The following GIMAP5 variants were observed in gnomAD, a reference collection of about 807,000 sequenced individuals.
GIMAP5 encodes GTPase, IMAP family member 5.
GIMAP5 carries 8 observed loss-of-function variants against 9.9 expected under a neutral mutation model. The ratio of observed to expected loss-of-function variants is 0.81; its 90% CI spans 0.47 to 1.45. GIMAP5 has a LOEUF of 1.45. Among genes scored for constraint, GIMAP5 ranks in the 40% most tolerant of loss-of-function variants. GIMAP5 has a pLI of 0.00. For missense variants in GIMAP5, 353 were observed against 367.4 expected (o/e 0.96, Z 0.32); for synonymous variants, 174 against 151.4 (o/e 1.15, Z -1.09).
chr7:150,741,140 G>C (rs989393899), intron 2 of GIMAP5, among the ~76,000 whole-genome samples: 1 of 152,110 alleles, frequency 6.6e-6, no homozygotes, highest in Non-Finnish European at 1.5e-5. Context: ...CCTGCATCAG[G>C]TATGTGGGAA....
At position 150,737,479 on chromosome 7, in the gene GIMAP5, T is replaced by C. The variant is rs951673781; in HGVS notation, c.-236T>C. ...GCAGAGGTGTGGGGGACACACTCCA[T>C]AATCTCTACTTTTCTTTTTGTGCAG... On this transcript the variant is annotated 5_prime_UTR_variant, in exon 1 of 3. Transcript: ENST00000358647. 11 of 1,524,370 alleles carry C rather than the reference T, an allele frequency of 7.2e-6. No homozygotes were observed. The highest frequency in any genetic ancestry group is 4.1e-5 in the African/African-American group (3 of 72,788). The allele number at this position is 1,524,370 out of a possible 1,614,324, so 94.4% of individuals were successfully genotyped here. A position where few individuals can be genotyped will look rare whatever the true frequency, so the allele number is the denominator to read the frequency against.
intron 2 of GIMAP5, among the ~76,000 whole-genome samples, chr7:150,741,350 T>G (rs1797591860): frequency 1.3e-5 from 2 of 152,116 alleles, no homozygotes; most frequent in African/African-American, 4.8e-5. Context: ...ATAATAGATT[T>G]TTAAGAGCCT....
intron 1 of GIMAP5, 48 bp downstream of exon 1, chr7:150,737,756 G>T: frequency 6.9e-7 from 1 of 1,452,362 alleles, no homozygotes; most frequent in South Asian, 1.2e-5. Context: ...GAATTGAAAG[G>T]ATCACAGTTT....
Position 150,743,425 on chromosome 7 carries a change from TCAG to T in GIMAP5, c.*367_*369del, listed in dbSNP as rs2116582687. The stretch of plus-strand genomic sequence containing the variant: ...GGGTCTGGGCGTGACACTGGGACTC[TCAG>T]CAGCTTTGTGCTGCCAACCTGAGAT... On this transcript the variant is annotated 3_prime_UTR_variant, in exon 3 of 3. Coordinates refer to ENST00000358647, the MANE Select transcript of GIMAP5 (RefSeq NM_018384.5). 4.8e-6 allele frequency: 1 copy of T among 208,342 alleles called. No individual in the cohort carries two copies. Among genetic ancestry groups the T allele is most frequent in the African/African-American group, 2.3e-5 (1 of 43,074 alleles). 12.9% of individuals were successfully genotyped at this position (208,342 alleles called of 1,614,324 possible). A position where few individuals can be genotyped will look rare whatever the true frequency, so the allele number is the denominator to read the frequency against.
chr7:150,737,592 G>T lies in GIMAP5; in HGVS notation c.-123G>T. On this transcript the variant is annotated 5_prime_UTR_variant, in exon 1 of 3. Coordinates refer to ENST00000358647, the MANE Select transcript of GIMAP5 (RefSeq NM_018384.5). ...CCTCAGCCCTGTGAACAGCATCCCC[G>T]CACACAGACGCAGAGCAGGACTCTC... The T allele has an allele frequency of 6.5e-7, 1 of 1,535,506 alleles. No homozygotes were observed. Among genetic ancestry groups the T allele is most frequent in the Non-Finnish European group, 8.7e-7 (1 of 1,146,826 alleles).
chr7:150,741,585 G>A (rs1275295745), intron 2 of GIMAP5, among the ~76,000 whole-genome samples: 1 of 152,094 alleles, frequency 6.6e-6, no homozygotes, highest in Non-Finnish European at 1.5e-5. Context: ...TCTCCCAGAC[G>A]CTGCCCTAAC....
chr7:150,743,237 C>A lies in GIMAP5; in HGVS notation c.*174C>A. ...GGAGCTGTGTGCCTCCACTCCAAGG[C>A]TGCCTGCCTGCTGTAAACACTATTC... On this transcript the variant is annotated 3_prime_UTR_variant, in exon 3 of 3. Transcript: ENST00000358647. 2.6e-6 allele frequency: 2 copies of A among 766,388 alleles called. No individual in the cohort carries two copies. Among genetic ancestry groups the A allele is most frequent in the Non-Finnish European group, 4.1e-6 (2 of 492,046 alleles). The allele number at this position is 766,388 out of a possible 1,614,324, so 47.5% of individuals were successfully genotyped here.
rs765372741 is a variant in GIMAP5, at chr7:150,743,023, T to C, written c.884T>C (p.Leu295Pro). 32 of 1,611,124 alleles carry C rather than the reference T, an allele frequency of 2.0e-5. No homozygotes were observed. The highest frequency in any genetic ancestry group is 2.6e-5 in the Non-Finnish European group (31 of 1,178,126). The part of the protein sequence containing the change: ...IFVFLLLCSI[L>P]FFIIFLFIFH... Reference sequence around the variant, plus strand: ...GTTTTTCTATTGTTGTGCAGCATACTTTTTTTCATTATTTTTCTGTTCATC... The same window carrying C: ...GTTTTTCTATTGTTGTGCAGCATACCTTTTTTCATTATTTTTCTGTTCATC... The change falls in exon 3 of 3, where the codon CTT (leucine) becomes CCT (proline). Residue 295 changes from leucine (L) to proline (P), a missense_variant. Physicochemically the swap from Leu to Pro is moderately conservative, Grantham distance 98. Transcript: ENST00000358647.
chr7:150,737,871 C>T, intron 1 of GIMAP5, 163 bp downstream of exon 1: 1 of 627,478 alleles, frequency 1.6e-6, no homozygotes. Flanking sequence ...CGGGCATCAG[C>T]AGGTGCACAG....
intron 2 of GIMAP5, 134 bp downstream of exon 2, chr7:150,741,061 T>C: frequency 1.2e-6 from 1 of 819,670 alleles, no homozygotes; most frequent in South Asian, 1.7e-5. Flanking sequence ...GCAACTATCA[T>C]CACGTGTGTG....
chr7:150,742,122 A>G (rs1797603836), intron 2 of GIMAP5, 61 bp from the exon 3 acceptor site: 1 of 1,550,682 alleles, frequency 6.4e-7, no homozygotes, highest in Non-Finnish European at 8.7e-7. Flanking sequence ...AACCATGAAC[A>G]ATGACCTAAC....
intron 1 of GIMAP5, chr7:150,740,330 G>C (rs1225660177): frequency 6.5e-6 from 1 of 153,738 alleles, no homozygotes; most frequent in African/African-American, 2.4e-5. Flanking sequence ...TCTCACGTCA[G>C]TTCTTCGTGT....
In GIMAP5 at chr7:150,737,696, A is replaced by ACAACC. The variant is rs1303523332; in HGVS notation, c.-18_-14dup. On this transcript the variant is annotated 5_prime_UTR_variant, in exon 1 of 3. Coordinates refer to ENST00000358647, the MANE Select transcript of GIMAP5 (RefSeq NM_018384.5). ...CTGCCACCCTGGAGGACAGGGCACAACAACCGTTTCTGGTAAGGAGAACTG... is the reference window on the plus strand; with the variant it reads ...CTGCCACCCTGGAGGACAGGGCACAACAACCCAACCGTTTCTGGTAAGGAGAACTG... The ACAACC allele has an allele frequency of 1.3e-6, 2 of 1,535,604 alleles. No individual in the cohort carries two copies. Among genetic ancestry groups the ACAACC allele is most frequent in the Admixed American group, 3.9e-5 (2 of 51,010 alleles).
Position 150,742,261 on chromosome 7 carries a change from G to A in GIMAP5, c.122G>A (p.Ser41Asn). 3 of 1,614,244 alleles carry A rather than the reference G, an allele frequency of 1.9e-6. No homozygotes were observed. The highest frequency in any genetic ancestry group is 2.5e-6 in the Non-Finnish European group (3 of 1,180,042). ...GTGGGCAAAACAGGCTGCGGGAAAA[G>A]TGCCACAGGGAACAGCATCCTTGGC... is the stretch of plus-strand genomic sequence containing the variant. ...ILVGKTGCGK[S>N]ATGNSILGQP... The change falls in exon 3 of 3, where the codon AGT becomes AAT. Residue 41 changes from serine to asparagine, a missense_variant. Coordinates refer to ENST00000358647, the MANE Select transcript of GIMAP5 (RefSeq NM_018384.5).
chr7:150,740,922 CT>C lies in GIMAP5; in HGVS notation c.39del (p.Glu14LysfsTer15). 1 of 1,614,000 alleles carries C rather than the reference CT, an allele frequency of 6.2e-7. No individual in the cohort carries two copies. The highest frequency in any genetic ancestry group is 8.5e-7 in the Non-Finnish European group (1 of 1,179,928). On this transcript the variant is annotated frameshift_variant, in exon 2 of 3. Transcript: ENST00000358647. LOFTEE classifies it high-confidence loss of function. ...CAGAGGGGCAAATATGGAACTATGG[CT>C]GAAGGTAAGAAAGTCTTGAAGTTCT... Reference protein sequence around the residue: ...GFQRGKYGTMAEGRSEDNLSA... With the variant: ...GFQRGKYGTMXEGRSEDNLSA...
Position 150,742,607 on chromosome 7 carries a change from AG to A in GIMAP5, c.473del (p.Gly158AlafsTer8). On this transcript the variant is annotated frameshift_variant, in exon 3 of 3. Coordinates refer to ENST00000358647, the MANE Select transcript of GIMAP5 (RefSeq NM_018384.5). LOFTEE classifies it low-confidence loss of function (END_TRUNC). ...TCCTCTTCACCCACAAAGAGGACTT[AG>A]GGGGCCAGGCCCTGGATGACTATGT... ...VILFTHKEDL[G>X]GQALDDYVAN... 1.2e-6 allele frequency: 2 copies of A among 1,614,202 alleles called. No homozygotes were observed.
intron 1 of GIMAP5, chr7:150,739,395 C>T (rs1469959257): frequency 2.0e-5 from 3 of 152,178 alleles, no homozygotes; most frequent in African/African-American, 7.2e-5. Context: ...ATTTTAAGAT[C>T]AGTTTTGATC....
chr7:150,737,642 G>A lies in GIMAP5; in HGVS notation c.-73G>A, dbSNP rs1797534953. 2.0e-6 allele frequency: 3 copies of A among 1,535,604 alleles called. No homozygotes were observed. The highest frequency in any genetic ancestry group is 2.0e-5 in the Admixed American group (1 of 50,980). ...CTCTGCTGCCACTTCACCTTCCTGAGAGAGGACCAGCGGCCAGAGCCTCAG... is the reference window on the plus strand; with the variant it reads ...CTCTGCTGCCACTTCACCTTCCTGAAAGAGGACCAGCGGCCAGAGCCTCAG... On this transcript the variant is annotated 5_prime_UTR_variant, in exon 1 of 3. Transcript: ENST00000358647.
chr7:150,743,252 A>T lies in GIMAP5; in HGVS notation c.*189A>T. 1.5e-6 allele frequency: 1 copy of T among 681,542 alleles called. No individual in the cohort carries two copies. The highest frequency in any genetic ancestry group is 2.4e-6 in the Non-Finnish European group (1 of 417,520). 42.2% of individuals were successfully genotyped at this position (681,542 alleles called of 1,614,324 possible). A position where few individuals can be genotyped will look rare whatever the true frequency, so the allele number is the denominator to read the frequency against. ...CACTCCAAGGCTGCCTGCCTGCTGT[A>T]AACACTATTCCACTCTGTCTGCCAA... On this transcript the variant is annotated 3_prime_UTR_variant, in exon 3 of 3. Transcript: ENST00000358647.
Sources: gnomAD v4.1 joint callset for allele counts (sites outside exome capture counted in the v4.1 genomes callset) on GRCh38, gnomAD v4.1.1 for gene constraint, MANE v1.5 for transcripts, NCBI Gene and HGNC (gene_info 2026-07-23, HGNC 2026-07-21) for gene names.